ANXA4: variants seen among roughly 807,000 people sequenced by gnomAD.
The protein encoded by ANXA4 is annexin A4.
In ANXA4, 39 loss-of-function variants were observed where a neutral mutation model predicts 49.8. The ratio of observed to expected loss-of-function variants is 0.78; its 90% CI spans 0.61 to 1.02. The LOEUF is 1.02. Among genes scored for constraint, ANXA4 ranks in the 50% least tolerant of loss-of-function variants. ANXA4 has a pLI of 0.00. For synonymous variants in ANXA4, 134 were observed against 152.5 expected, an observed-to-expected ratio of 0.88 and a Z score of 0.89; for missense variants, 360 against 410.1, an observed-to-expected ratio of 0.88 and a Z score of 1.05.
At chr2:69,647,957 A>G (rs1676074147) in intron 1 of ANXA4, among the ~76,000 whole-genome samples, 1 of 152,228 alleles carries the variant, frequency 6.6e-6, no homozygotes. Flanking sequence ...AATTTTATAG[A>G]TGAACAATGA....
At position 69,651,834 on chromosome 2, in the gene ANXA4, GA is replaced by G. The variant is rs1390676515; in HGVS notation, n.482-1163del. Among the ~76,000 whole-genome samples, 54 of 82,698 alleles carry G rather than the reference GA, an allele frequency of 6.5e-4. 1 individual carries two copies. Among genetic ancestry groups the G allele is most frequent in the African/African-American group, 2.5e-3 (52 of 20,470 alleles). 54.3% of individuals were successfully genotyped at this position (82,698 alleles called of 152,430 possible). A position where few individuals can be genotyped will look rare whatever the true frequency, so the allele number is the denominator to read the frequency against. ...TTTTTTTTTGGGGGGGGGGGGCGGG[GA>G]GACAGAGTCTCACTCTGTTGACCAG... is the stretch of plus-strand genomic sequence containing the variant. On this transcript the variant is annotated intron_variant and non_coding_transcript_variant, in intron 1 of 3. Transcript: ENST00000418066.
At chr2:69,782,656 A>G (rs546140274) in intron 2 of ANXA4, among the ~76,000 whole-genome samples, 4 of 152,140 alleles carry the variant, frequency 2.6e-5, no homozygotes. Context: ...TGCCTAGCCA[A>G]CGTGGAGAAT....
At chr2:69,645,789 A>G (rs1346919919) in intron 1 of ANXA4, among the ~76,000 whole-genome samples, 1 of 152,224 alleles carries the variant, frequency 6.6e-6, no homozygotes, top group Non-Finnish European at 1.5e-5. Context: ...ACTAATAGCA[A>G]TTATAATGAC....
chr2:69,766,953 A>G (rs1007427783), intron 1 of ANXA4, among the ~76,000 whole-genome samples: 1 of 151,352 alleles, frequency 6.6e-6, no homozygotes, highest in African/African-American at 2.4e-5. Flanking sequence ...CTCTATTTCT[A>G]CTCCCATTTT....
chr2:69,804,135 C>A (rs915654545), intron 3 of ANXA4, among the ~76,000 whole-genome samples: 1 of 90,432 alleles, frequency 1.1e-5, no homozygotes, highest in African/African-American at 9.9e-5. Context: ...GAGACTTTCT[C>A]TCAAAAAAAA....
chr2:69,730,893 C>T (rs943013433), intron 3 of ANXA4, among the ~76,000 whole-genome samples: 1 of 152,200 alleles, frequency 6.6e-6, no homozygotes, highest in Non-Finnish European at 1.5e-5. Flanking sequence ...GTCATATATT[C>T]GCTTTCTCCA....
At chr2:69,718,166 G>T (rs897298417) in intron 2 of ANXA4, among the ~76,000 whole-genome samples, 13 of 152,154 alleles carry the variant, frequency 8.5e-5, no homozygotes, top group African/African-American at 3.1e-4. Flanking sequence ...TCAAGTTCCT[G>T]CTGTGTAACC....
intron 1 of ANXA4, among the ~76,000 whole-genome samples, chr2:69,774,134 T>C (rs1377796161): frequency 1.3e-5 from 2 of 151,872 alleles, no homozygotes; most frequent in Non-Finnish European, 2.9e-5. Flanking sequence ...TATGTGTTAA[T>C]AACCATTTAA....
chr2:69,748,966 G>C (rs1380957027), intron 1 of ANXA4, among the ~76,000 whole-genome samples: 1 of 152,156 alleles, frequency 6.6e-6, no homozygotes, highest in Non-Finnish European at 1.5e-5. Flanking sequence ...ACCTGCCTCA[G>C]CCTCCCCAAG....
chr2:69,706,354 A>T (rs1339636359), intron 2 of ANXA4, among the ~76,000 whole-genome samples: 1 of 120,830 alleles, frequency 8.3e-6, no homozygotes, highest in Non-Finnish European at 1.6e-5. Context: ...AGGCTGGGGT[A>T]CAGTGGTTCG....
intron 3 of ANXA4, among the ~76,000 whole-genome samples, chr2:69,734,696 C>T (rs1008306962): frequency 6.6e-6 from 1 of 152,118 alleles, no homozygotes; most frequent in Admixed American, 6.5e-5. Context: ...ACTAGGCCAC[C>T]ATTTTCTCAG....
intron 3 of ANXA4, among the ~76,000 whole-genome samples, chr2:69,792,893 C>A (rs1672754171): frequency 6.6e-6 from 1 of 151,222 alleles, no homozygotes; most frequent in South Asian, 2.1e-4. Context: ...TTGGTTGCTT[C>A]CGTATGTTCC....
At chr2:69,708,533 AAG>A (rs112618606) in intron 2 of ANXA4, among the ~76,000 whole-genome samples, 8,554 of 149,034 alleles carry the variant, frequency 0.057, 824 homozygotes, top group African/African-American at 0.19. Flanking sequence ...AGAAGAAAGA[AAG>A]AGAGAGAGAG....
intron 2 of ANXA4, among the ~76,000 whole-genome samples, chr2:69,684,639 G>A (rs1253300086): frequency 6.8e-6 from 1 of 146,572 alleles, no homozygotes; most frequent in East Asian, 2.0e-4. Context: ...AGTGAGCCAT[G>A]TTTGTGCCAC....
upstream of ANXA4, among the ~76,000 whole-genome samples, chr2:69,739,786 C>G (rs1023580280): frequency 1.3e-5 from 2 of 152,058 alleles, no homozygotes; most frequent in African/African-American, 2.4e-5. Flanking sequence ...TTTTTAAATA[C>G]TCTTAGATCA....
intron 3 of ANXA4, among the ~76,000 whole-genome samples, chr2:69,725,615 G>A (rs778102750): frequency 3.3e-5 from 5 of 152,000 alleles, no homozygotes; most frequent in Admixed American, 6.6e-5. Flanking sequence ...CTGGTACATC[G>A]TCTTGTCCAC....
intron 2 of ANXA4, among the ~76,000 whole-genome samples, chr2:69,715,565 C>T (rs1385850215): frequency 6.6e-6 from 1 of 152,212 alleles, no homozygotes; most frequent in African/African-American, 2.4e-5. Flanking sequence ...TGCCATAGTA[C>T]CTACTATGTC....
chr2:69,737,111 G>A (rs1573168664), upstream of ANXA4, among the ~76,000 whole-genome samples: 1 of 152,274 alleles, frequency 6.6e-6, no homozygotes, highest in African/African-American at 2.4e-5. Context: ...CCTACTCTCA[G>A]CATTTTAAAG....
chr2:69,670,634 T>C (rs72899462), intron 2 of ANXA4, among the ~76,000 whole-genome samples: 5,208 of 152,106 alleles, frequency 0.034, 139 homozygotes, highest in African/African-American at 0.073. Context: ...GGAGACCTGA[T>C]AGATGACATA....
Sources: gnomAD v4.1 joint callset for allele counts (sites outside exome capture counted in the v4.1 genomes callset) on GRCh38, gnomAD v4.1.1 for gene constraint, MANE v1.5 for transcripts, NCBI Gene and HGNC (gene_info 2026-07-23, HGNC 2026-07-21) for gene names.